Variants in PBX3 observed in about 807,000 individuals in gnomAD.
The protein encoded by PBX3 is pre-B-cell leukemia transcription factor 3.
In PBX3, 14 loss-of-function variants were observed where a neutral mutation model predicts 48.5. That is an observed-to-expected ratio of 0.29 (90% CI 0.19 to 0.45). The LOEUF is 0.45. PBX3 is among the 20% of genes least tolerant of loss of function. PBX3 has a pLI of 1.00. For missense variants in PBX3, 386 were observed against 546.7 expected (o/e 0.71, Z 2.93); for synonymous variants, 210 against 200.3 (o/e 1.05, Z -0.41).
intron 2 of PBX3, among the ~76,000 whole-genome samples, chr9:125,835,490 A>G (rs1156379073): frequency 2.0e-5 from 3 of 152,222 alleles, no homozygotes; most frequent in African/African-American, 7.2e-5. Flanking sequence ...TAATAACTAA[A>G]ATATGTAAGG....
At chr9:125,843,065 C>T (rs1310707940) in intron 2 of PBX3, among the ~76,000 whole-genome samples, 5 of 151,996 alleles carry the variant, frequency 3.3e-5, no homozygotes, top group African/African-American at 1.2e-4. Context: ...TACTTGGTTT[C>T]CTGATCCTAA....
At chr9:125,780,482 C>T (rs571609344) in intron 2 of PBX3, among the ~76,000 whole-genome samples, 103 of 138,424 alleles carry the variant, frequency 7.4e-4, no homozygotes, top group Non-Finnish European at 1.1e-3. Context: ...CCCCCACCTC[C>T]CTCCCGGACG....
intron 5 of PBX3, among the ~76,000 whole-genome samples, chr9:125,939,172 AAC>A (rs1459967297): frequency 6.6e-6 from 1 of 152,214 alleles, no homozygotes; most frequent in African/African-American, 2.4e-5. Flanking sequence ...AAACTGTAGA[AAC>A]AGTCCACGCA....
intron 2 of PBX3, among the ~76,000 whole-genome samples, chr9:125,799,065 G>A (rs1359007620): frequency 2.0e-5 from 3 of 152,102 alleles, no homozygotes; most frequent in Non-Finnish European, 4.4e-5. Flanking sequence ...GTTGTCTGTT[G>A]TTTAGTAATC....
At chr9:125,962,522 G>A (rs1218037745) in intron 7 of PBX3, among the ~76,000 whole-genome samples, 1 of 152,144 alleles carries the variant, frequency 6.6e-6, no homozygotes, top group Non-Finnish European at 1.5e-5. Context: ...GTGTGTATAT[G>A]GTTTAAGAAC....
chr9:125,815,936 A>G (rs2132141470), intron 2 of PBX3, among the ~76,000 whole-genome samples: 1 of 152,102 alleles, frequency 6.6e-6, no homozygotes, highest in African/African-American at 2.4e-5. Flanking sequence ...TGTTACAGAA[A>G]TTTATCAAAA....
intron 2 of PBX3, among the ~76,000 whole-genome samples, chr9:125,827,943 T>TA (rs1838854688): frequency 6.6e-6 from 1 of 152,160 alleles, no homozygotes; most frequent in Non-Finnish European, 1.5e-5. Context: ...ATAAGACTGA[T>TA]ACAGAGGTTT....
chr9:125,763,916 C>G (rs1199755816), intron 2 of PBX3, among the ~76,000 whole-genome samples: 1 of 152,000 alleles, frequency 6.6e-6, no homozygotes, highest in Non-Finnish European at 1.5e-5. Flanking sequence ...TTTGTGGAAG[C>G]TTAAAAGGAT....
At chr9:125,801,533 C>T (rs780333967) in intron 2 of PBX3, among the ~76,000 whole-genome samples, 5 of 152,042 alleles carry the variant, frequency 3.3e-5, no homozygotes, top group Non-Finnish European at 7.4e-5. Flanking sequence ...TAACCAAAGA[C>T]CATAAAATTA....
chr9:125,898,449 G>GA (rs3051314), intron 2 of PBX3, among the ~76,000 whole-genome samples: 14,499 of 144,822 alleles, frequency 0.1, 1,457 homozygotes, highest in African/African-American at 0.26. Context: ...CCCATCTTCT[G>GA]AAAAAAAAAA....
At chr9:125,819,167 T>C (rs764591579) in intron 2 of PBX3, among the ~76,000 whole-genome samples, 1 of 152,094 alleles carries the variant, frequency 6.6e-6, no homozygotes, top group Non-Finnish European at 1.5e-5. Flanking sequence ...TACTTTCTAA[T>C]GTATAATTCC....
At chr9:125,901,204 G>A (rs1013268563) in intron 2 of PBX3, among the ~76,000 whole-genome samples, 13 of 151,604 alleles carry the variant, frequency 8.6e-5, no homozygotes, top group African/African-American at 3.1e-4. Flanking sequence ...GAGCTCAAAG[G>A]TGGCTGGTAA....
intron 2 of PBX3, among the ~76,000 whole-genome samples, chr9:125,879,807 C>G (rs930183542): frequency 3.9e-5 from 6 of 152,002 alleles, no homozygotes; most frequent in Non-Finnish European, 8.8e-5. Context: ...TATTTAATAC[C>G]TTTTATTATT....
intron 6 of PBX3, 67 bp from the exon 7 acceptor site, chr9:125,962,035 C>T (rs1339049339): frequency 2.5e-6 from 2 of 787,682 alleles, no homozygotes; most frequent in African/African-American, 1.7e-5. Context: ...ATCTCCCTGC[C>T]TCTAGGTCTT....
At chr9:125,868,591 C>T (rs1297460048) in intron 2 of PBX3, among the ~76,000 whole-genome samples, 1 of 152,084 alleles carries the variant, frequency 6.6e-6, no homozygotes, top group African/African-American at 2.4e-5. Context: ...CAGTGCTGAC[C>T]TAGAATGTAG....
chr9:125,893,103 A>C (rs1264716181), intron 2 of PBX3, among the ~76,000 whole-genome samples: 1 of 152,222 alleles, frequency 6.6e-6, no homozygotes, highest in Non-Finnish European at 1.5e-5. Context: ...CAACCTACCC[A>C]ATGGATAGCA....
chr9:125,910,906 A>G (rs1379010300), intron 2 of PBX3, among the ~76,000 whole-genome samples: 4 of 152,016 alleles, frequency 2.6e-5, no homozygotes, highest in African/African-American at 7.2e-5. Context: ...TTCAGGTGCA[A>G]ATATTCCAGA....
chr9:125,915,636 C>T (rs760906654), intron 2 of PBX3, 50 bp from the exon 3 acceptor site: 407 of 1,416,374 alleles, frequency 2.9e-4, no homozygotes, highest in Middle Eastern at 2.4e-3. Flanking sequence ...ACTATTTGTC[C>T]TCTGTTTCTC....
At chr9:125,807,735 C>A (rs1302300652) in intron 2 of PBX3, among the ~76,000 whole-genome samples, 1 of 151,896 alleles carries the variant, frequency 6.6e-6, no homozygotes, top group African/African-American at 2.4e-5. Flanking sequence ...GTTCATCAAA[C>A]TTCTCTTATT....
Sources: gnomAD v4.1 joint callset for allele counts (sites outside exome capture counted in the v4.1 genomes callset) on GRCh38, gnomAD v4.1.1 for gene constraint, MANE v1.5 for transcripts, NCBI Gene and HGNC (gene_info 2026-07-23, HGNC 2026-07-21) for gene names.